RIC1: variants seen among roughly 807,000 people sequenced by gnomAD.
RIC1 encodes RIC1 partner of RAB6A GEF complex, also known as guanine nucleotide exchange factor subunit RIC1.
RIC1 carries 88 observed loss-of-function variants against 169.0 expected under a neutral mutation model. The observed-to-expected ratio is 0.52, with a 90% confidence interval of 0.44 to 0.62. The LOEUF (loss-of-function observed/expected upper bound fraction) is 0.62. Ranked by LOEUF, RIC1 falls within the 20% of genes least tolerant of loss-of-function variation. RIC1 has a pLI of 0.00. For synonymous variants in RIC1, 790 were observed against 601.5 expected (o/e 1.31, Z -4.59); for missense variants, 1,877 against 1,725.5 (o/e 1.09, Z -1.56).
intron 17 of RIC1, among the ~76,000 whole-genome samples, chr9:5,758,020 A>G (rs1397769107): frequency 1.3e-5 from 2 of 152,220 alleles, no homozygotes; most frequent in Non-Finnish European, 2.9e-5. Flanking sequence ...TAAGGAGGAA[A>G]ATGAACTGAA....
intron 2 of RIC1, among the ~76,000 whole-genome samples, chr9:5,666,590 T>C (rs563950420): frequency 2.6e-5 from 4 of 152,214 alleles, no homozygotes; most frequent in Non-Finnish European, 5.9e-5. Flanking sequence ...ATGCTTTTAT[T>C]GTTAAAGGTG....
intron 7 of RIC1, among the ~76,000 whole-genome samples, chr9:5,734,326 A>C (rs536224281): frequency 7.6e-4 from 116 of 151,756 alleles, no homozygotes; most frequent in African/African-American, 2.7e-3. Flanking sequence ...GTCTGGTCTC[A>C]AACTCCTGAC....
chr9:5,727,847 G>T (rs1372141474), intron 6 of RIC1, among the ~76,000 whole-genome samples: 1 of 152,238 alleles, frequency 6.6e-6, no homozygotes, highest in African/African-American at 2.4e-5. Context: ...AGCGGAGGCT[G>T]CAGAACAGCA....
chr9:5,653,844 C>T (rs1458908035), intron 1 of RIC1, among the ~76,000 whole-genome samples: 2 of 152,122 alleles, frequency 1.3e-5, no homozygotes, highest in Non-Finnish European at 2.9e-5. Context: ...GATCTGCCTG[C>T]CTCAGCCTCC....
chr9:5,634,947 A>G (rs1263615978), intron 1 of RIC1, among the ~76,000 whole-genome samples: 3 of 152,248 alleles, frequency 2.0e-5, no homozygotes, highest in Middle Eastern at 3.4e-3. Context: ...ATACAGGACT[A>G]TAGTCACCCT....
rs147462890 is a variant in RIC1 at position 5,713,691 on chromosome 9, A to G, written c.333-205A>G. 3.4e-4 allele frequency: 113 copies of G among 335,480 alleles called. No homozygotes were observed. The East Asian group carries it at 5.5e-3, about 16-fold the overall frequency. The allele number at this position is 335,480 out of a possible 1,614,324, so 20.8% of individuals were successfully genotyped here. A position where few individuals can be genotyped will look rare whatever the true frequency, so the allele number is the denominator to read the frequency against. On this transcript the variant is annotated intron_variant, in intron 3 of 25. Transcript: ENST00000414202. ...TCTTCCCACCCTCCTAACACAAATT[A>G]CATTGGTCAAACATTTATTTCCAAT...
intron 2 of RIC1, among the ~76,000 whole-genome samples, chr9:5,674,890 A>G (rs1820351261): frequency 6.6e-6 from 1 of 152,232 alleles, no homozygotes. Flanking sequence ...GGCAAAATAA[A>G]CTTCTAAATT....
intron 3 of RIC1, among the ~76,000 whole-genome samples, chr9:5,694,956 G>GA (rs1180688470): frequency 1.3e-5 from 2 of 151,818 alleles, no homozygotes; most frequent in Non-Finnish European, 2.9e-5. Context: ...TCTAACAGTG[G>GA]AAAAAAACAA....
At chr9:5,717,010 T>G (rs1380160592) in intron 4 of RIC1, among the ~76,000 whole-genome samples, 1 of 152,206 alleles carries the variant, frequency 6.6e-6, no homozygotes, top group Admixed American at 6.5e-5. Context: ...TTCAATTAAA[T>G]GAGAAGGATA....
chr9:5,746,455 C>T (rs1825381237), intron 11 of RIC1, among the ~76,000 whole-genome samples: 1 of 151,916 alleles, frequency 6.6e-6, no homozygotes, highest in Admixed American at 6.6e-5. Context: ...AGTTTTGTTT[C>T]CATATAAGTG....
intron 1 of RIC1, among the ~76,000 whole-genome samples, chr9:5,639,589 T>C (rs748584086): frequency 2.0e-5 from 3 of 152,324 alleles, no homozygotes; most frequent in South Asian, 2.1e-4. Flanking sequence ...TCTATAAATA[T>C]CTGTTAGGTC....
At chr9:5,709,963 T>C (rs1822837507) in intron 3 of RIC1, among the ~76,000 whole-genome samples, 1 of 152,156 alleles carries the variant, frequency 6.6e-6, no homozygotes, top group Non-Finnish European at 1.5e-5. Context: ...TTAAGATAGG[T>C]AATGTGGTTT....
intron 1 of RIC1, among the ~76,000 whole-genome samples, chr9:5,643,973 C>T (rs1428078771): frequency 1.3e-5 from 2 of 151,986 alleles, no homozygotes; most frequent in African/African-American, 2.4e-5. Context: ...ATCTACTGTC[C>T]CCCAAGTAGT....
rs773416211 is a variant in RIC1 at position 5,692,488 on chromosome 9, A to G, written c.332+2450A>G. 4.3e-4 allele frequency among the ~76,000 whole-genome samples: 65 copies of G among 152,180 alleles called. 1 individual carries two copies. The highest frequency in any genetic ancestry group is 9.2e-4 in the Admixed American group (14 of 15,286). ...GTAATTTTTAAATATATACATATAT[A>G]TCTACTTGATATTTTACTTCTTTGC... is the stretch of plus-strand genomic sequence containing the variant. On this transcript the variant is annotated intron_variant, in intron 3 of 25. Coordinates refer to ENST00000414202, the MANE Select transcript of RIC1 (RefSeq NM_020829.4).
chr9:5,671,835 G>C (rs1820125907), intron 2 of RIC1, among the ~76,000 whole-genome samples: 1 of 152,134 alleles, frequency 6.6e-6, no homozygotes, highest in Non-Finnish European at 1.5e-5. Context: ...AGAGGGAAAG[G>C]TTTGCTTTGC....
chr9:5,686,186 A>C (rs1821209203), intron 2 of RIC1, among the ~76,000 whole-genome samples: 1 of 151,436 alleles, frequency 6.6e-6, no homozygotes, highest in East Asian at 1.9e-4. Context: ...GTGGGACTGT[A>C]AACTAGTTCA....
At chr9:5,681,123 G>A (rs1381662585) in intron 2 of RIC1, among the ~76,000 whole-genome samples, 1 of 152,030 alleles carries the variant, frequency 6.6e-6, no homozygotes, top group Non-Finnish European at 1.5e-5. Flanking sequence ...ACCGCGCCCG[G>A]CCGATTTTTT....
chr9:5,667,726 A>G (rs1427693100), intron 2 of RIC1, among the ~76,000 whole-genome samples: 1 of 151,920 alleles, frequency 6.6e-6, no homozygotes, highest in Non-Finnish European at 1.5e-5. Flanking sequence ...GCTGGTCTCA[A>G]ACTCCTAGGC....
chr9:5,754,918 C>T lies in RIC1; in HGVS notation c.1680C>T (p.Asp560=). 6.5e-7 allele frequency: 1 copy of T among 1,546,792 alleles called. No homozygotes were observed. The highest frequency in any genetic ancestry group is 8.8e-7 in the Non-Finnish European group (1 of 1,136,892). Residue 560 remains aspartate, a synonymous_variant, in exon 15 of 26, where the codon GAC becomes GAT. Coordinates refer to ENST00000414202, the MANE Select transcript of RIC1 (RefSeq NM_020829.4). ...TCCTTGCGTGTTATAACATAAATGACCGTCAAGAAGAGGTAAGTTTTTTCT... is the reference window on the plus strand; with the variant it reads ...TCCTTGCGTGTTATAACATAAATGATCGTCAAGAAGAGGTAAGTTTTTTCT... ...FMVLACYNIN[D]RQEELRVYLR...
Sources: gnomAD v4.1 joint callset for allele counts (sites outside exome capture counted in the v4.1 genomes callset) on GRCh38, gnomAD v4.1.1 for gene constraint, MANE v1.5 for transcripts, NCBI Gene and HGNC (gene_info 2026-07-23, HGNC 2026-07-21) for gene names.